CSMD1: variants seen among roughly 807,000 people sequenced by gnomAD.
The protein encoded by CSMD1 is CUB and sushi domain-containing protein 1.
In CSMD1, 213 loss-of-function variants were observed where a neutral mutation model predicts 417.5. The observed-to-expected ratio is 0.51, with a 90% CI of 0.46 to 0.57. CSMD1 has a LOEUF of 0.57. Ranked by LOEUF, CSMD1 falls within the 20% of genes least tolerant of loss-of-function variation. The probability of loss-of-function intolerance (pLI) is 0.00; values close to 1 mark genes in which losing one functional copy is unlikely to be tolerated. For missense variants in CSMD1, 6,923 were observed against 4,529.7 expected (o/e 1.53, Z -15.17); for synonymous variants, 2,862 against 1,736.8 (o/e 1.65, Z -16.11).
chr8:3,285,951 TTAGA>T (rs1803121201), intron 25 of CSMD1, among the ~76,000 whole-genome samples: 1 of 152,090 alleles, frequency 6.6e-6, no homozygotes, highest in Non-Finnish European at 1.5e-5. Context: ...CCATTTAACA[TTAGA>T]TAAATTTCCT....
intron 2 of CSMD1, among the ~76,000 whole-genome samples, chr8:4,618,288 G>T (rs1042449124): frequency 3.1e-5 from 3 of 97,314 alleles, no homozygotes; most frequent in African/African-American, 1.5e-4. Flanking sequence ...ATATTGCTAA[G>T]CTCAGCCATG....
At chr8:4,704,129 G>A (rs764599704) in intron 1 of CSMD1, among the ~76,000 whole-genome samples, 2 of 152,172 alleles carry the variant, frequency 1.3e-5, no homozygotes, top group African/African-American at 4.8e-5. Context: ...TCCAAGGCAG[G>A]TGGGGACCCG....
intron 17 of CSMD1, among the ~76,000 whole-genome samples, chr8:3,389,503 G>T (rs1033765239): frequency 4.6e-5 from 7 of 151,852 alleles, no homozygotes; most frequent in African/African-American, 1.5e-4. Flanking sequence ...TAGGTTTCTG[G>T]GGAAAAAAAA....
chr8:3,317,332 G>A (rs185448062), intron 23 of CSMD1, among the ~76,000 whole-genome samples: 48 of 152,324 alleles, frequency 3.2e-4, no homozygotes, highest in Non-Finnish European at 1.5e-5. Context: ...CAGTCCTTAT[G>A]GAGTTTCACA....
intron 2 of CSMD1, among the ~76,000 whole-genome samples, chr8:4,469,282 G>C (rs950672463): frequency 6.6e-6 from 1 of 152,184 alleles, no homozygotes; most frequent in Non-Finnish European, 1.5e-5. Context: ...CACTATGATT[G>C]TCATAGTCAG....
intron 3 of CSMD1, among the ~76,000 whole-genome samples, chr8:4,171,299 T>TA (rs1797751909): frequency 6.6e-6 from 1 of 151,942 alleles, no homozygotes; most frequent in Admixed American, 6.5e-5. Flanking sequence ...TAAGCAACCC[T>TA]ACGCCAGGCT....
chr8:4,802,104 C>G (rs1018859344), intron 1 of CSMD1, among the ~76,000 whole-genome samples: 1 of 152,198 alleles, frequency 6.6e-6, no homozygotes, highest in Non-Finnish European at 1.5e-5. Context: ...TAAGTGTCCA[C>G]AGACAGTTTT....
chr8:4,081,401 G>A (rs2552146), intron 3 of CSMD1, among the ~76,000 whole-genome samples: 2 of 152,118 alleles, frequency 1.3e-5, no homozygotes, highest in East Asian at 3.9e-4. Flanking sequence ...GATTATAAAA[G>A]GCTTTGCAGC....
intron 5 of CSMD1, among the ~76,000 whole-genome samples, chr8:3,755,226 G>C (rs939829329): frequency 6.6e-6 from 1 of 152,184 alleles, no homozygotes; most frequent in East Asian, 1.9e-4. Context: ...AGGATTGCGT[G>C]CTGGCTCGAC....
At chr8:3,239,597 A>G (rs1256933454) in intron 26 of CSMD1, among the ~76,000 whole-genome samples, 1 of 152,170 alleles carries the variant, frequency 6.6e-6, no homozygotes, top group Non-Finnish European at 1.5e-5. Context: ...TCTGAGAAGT[A>G]GTAGAATAGC....
intron 4 of CSMD1, among the ~76,000 whole-genome samples, chr8:4,014,271 G>C (rs1332113357): frequency 2.6e-5 from 4 of 152,150 alleles, no homozygotes; most frequent in Admixed American, 2.0e-4. Flanking sequence ...TATATGTACA[G>C]AGACACTAAT....
chr8:3,197,778 G>C (rs1366312530), intron 33 of CSMD1, among the ~76,000 whole-genome samples: 1 of 152,002 alleles, frequency 6.6e-6, no homozygotes, highest in African/African-American at 2.4e-5. Context: ...ATACTTTTTA[G>C]GCTTCAATGG....
intron 12 of CSMD1, among the ~76,000 whole-genome samples, chr8:3,418,905 G>A (rs1813319241): frequency 6.6e-6 from 1 of 152,190 alleles, no homozygotes; most frequent in African/African-American, 2.4e-5. Flanking sequence ...AGGTAGTAAT[G>A]AGAAGCACCT....
At chr8:4,633,255 T>C (rs926152540) in intron 2 of CSMD1, among the ~76,000 whole-genome samples, 2 of 151,796 alleles carry the variant, frequency 1.3e-5, no homozygotes, top group African/African-American at 4.9e-5. Context: ...GTTTGTTTCT[T>C]TGTTTTTTTT....
At chr8:4,286,531 G>T (rs547099115) in intron 3 of CSMD1, among the ~76,000 whole-genome samples, 1 of 152,072 alleles carries the variant, frequency 6.6e-6, no homozygotes, top group East Asian at 1.9e-4. Context: ...GAGATAATAT[G>T]GTCTCATCAT....
intron 6 of CSMD1, among the ~76,000 whole-genome samples, chr8:3,750,778 G>C (rs1797300145): frequency 6.6e-6 from 1 of 152,036 alleles, no homozygotes; most frequent in Non-Finnish European, 1.5e-5. Context: ...CTCTGAGAAG[G>C]GCCCATCTCA....
intron 1 of CSMD1, among the ~76,000 whole-genome samples, chr8:4,639,209 C>T (rs1196747124): frequency 2.0e-5 from 3 of 151,728 alleles, no homozygotes; most frequent in Non-Finnish European, 4.4e-5. Flanking sequence ...TTCCCACATA[C>T]AAGCTCTCCG....
At chr8:4,932,517 C>T (rs546668333) in intron 1 of CSMD1, among the ~76,000 whole-genome samples, 80 of 152,060 alleles carry the variant, frequency 5.3e-4, no homozygotes, top group Non-Finnish European at 1.1e-3. Flanking sequence ...TATAAATGAA[C>T]GTATTCACCT....
At chr8:2,984,465 C>A (rs1282450490) in intron 54 of CSMD1, among the ~76,000 whole-genome samples, 1 of 152,154 alleles carries the variant, frequency 6.6e-6, no homozygotes, top group African/African-American at 2.4e-5. Context: ...TCTCCTGTCT[C>A]AGCCTCCTGA....
Sources: allele counts gnomAD v4.1 joint callset (sites outside exome capture counted in the v4.1 genomes callset), GRCh38; gene constraint gnomAD v4.1.1; transcripts MANE v1.5; gene names NCBI Gene and HGNC (gene_info 2026-07-23, HGNC 2026-07-21).